WFDC6: variants seen among roughly 807,000 people sequenced by gnomAD.
WFDC6 encodes the protein WAP four-disulfide core domain 6, also known as WAP four-disulfide core domain protein 6.
Under a neutral mutation model 8.2 loss-of-function variants are expected in WFDC6, and 10 were observed. That is an observed-to-expected ratio of 1.22 (90% CI 0.75 to 2.07). The LOEUF is 2.07. Ranked by LOEUF, WFDC6 falls within the 30% of genes most tolerant of loss-of-function variation. The pLI is 0.00. For synonymous variants in WFDC6, 28 were observed against 37.0 expected, an observed-to-expected ratio of 0.76 and a Z score of 0.88; for missense variants, 105 against 104.9, an observed-to-expected ratio of 1.00 and a Z score of 0.00.
intron 2 of WFDC6, chr20:45,535,180 C>T: frequency 7.7e-7 from 1 of 1,304,078 alleles, no homozygotes; most frequent in Non-Finnish European, 1.0e-6. Flanking sequence ...TGCAGGTGAC[C>T]AGACAGATAG....
chr20:45,537,487 G>C (rs1979408332), intron 2 of WFDC6: 2 of 1,522,732 alleles, frequency 1.3e-6, no homozygotes. Flanking sequence ...GGGCAGAGAA[G>C]AAAGAGTGTA....
chr20:45,537,440 A>G, intron 2 of WFDC6: 5 of 1,226,852 alleles, frequency 4.1e-6, no homozygotes, highest in Non-Finnish European at 5.9e-6. Context: ...GAATGAACGA[A>G]TGGTCCTTGA....
intron 2 of WFDC6, among the ~76,000 whole-genome samples, chr20:45,536,643 C>G (rs1979377816): frequency 6.6e-6 from 1 of 152,212 alleles, no homozygotes. Flanking sequence ...CTTCCCCCAA[C>G]TAGCCCAGCT....
intron 2 of WFDC6, chr20:45,537,527 C>G: frequency 6.5e-7 from 1 of 1,549,126 alleles, no homozygotes; most frequent in Non-Finnish European, 8.7e-7. Flanking sequence ...GGAAGGCATC[C>G]TGGATTTATG....
chr20:45,537,812 A>G, intron 2 of WFDC6, 152 bp downstream of exon 2: 2 of 1,427,704 alleles, frequency 1.4e-6, no homozygotes, highest in Non-Finnish European at 1.9e-6. Flanking sequence ...ATGTCTCCCA[A>G]GTCCAGGACT....
chr20:45,537,023 A>G (rs1242524696), intron 2 of WFDC6: 1 of 159,792 alleles, frequency 6.3e-6, no homozygotes, highest in Admixed American at 5.9e-5. Context: ...CTGAAAACCT[A>G]GTTATTGTCT....
chr20:45,535,042 G>T, intron 2 of WFDC6: 3 of 923,942 alleles, frequency 3.2e-6, no homozygotes, highest in Non-Finnish European at 4.4e-6. Flanking sequence ...TTATACTTCT[G>T]CATTGGAGCT....
Position 45,534,249 on chromosome 20 carries a change from T to C in WFDC6, c.*218A>G. The stretch of plus-strand genomic sequence containing the variant: ...CAACTGAAGCCTTCATACAAATAAA[T>C]GGGGGGTCTGAAAGTTGAAGACATA... On this transcript the variant is annotated 3_prime_UTR_variant, in exon 3 of 3. Coordinates refer to ENST00000372670, the MANE Select transcript of WFDC6 (RefSeq NM_080827.2). 1.7e-6 allele frequency: 1 copy of C among 602,912 alleles called. No individual in the cohort carries two copies. The highest frequency in any genetic ancestry group is 2.0e-5 in the South Asian group (1 of 50,554). The allele number at this position is 602,912 out of a possible 1,614,324, so 37.3% of individuals were successfully genotyped here. A position where few individuals can be genotyped will look rare whatever the true frequency, so the allele number is the denominator to read the frequency against.
At chr20:45,537,921 A>C in intron 2 of WFDC6, 43 bp downstream of exon 2, 1 of 1,613,240 alleles carries the variant, frequency 6.2e-7, no homozygotes, top group Non-Finnish European at 8.5e-7. Context: ...AGGTGGAGAT[A>C]GGAGGTGAGG....
chr20:45,535,274 C>T (rs770542805), intron 2 of WFDC6: 1 of 1,304,218 alleles, frequency 7.7e-7, no homozygotes, highest in South Asian at 1.2e-5. Context: ...TATTGTACCA[C>T]CAGTGTGGTA....
At position 45,534,252 on chromosome 20, in the gene WFDC6, G is replaced by C. The variant is rs530268708; in HGVS notation, c.*215C>G. The C allele has an allele frequency of 1.6e-6, 1 of 608,470 alleles. No individual in the cohort carries two copies. Among genetic ancestry groups the C allele is most frequent in the Admixed American group, 2.9e-5 (1 of 35,056 alleles). The allele number at this position is 608,470 out of a possible 1,614,324, so 37.7% of individuals were successfully genotyped here. A position where few individuals can be genotyped will look rare whatever the true frequency, so the allele number is the denominator to read the frequency against. ...CTGAAGCCTTCATACAAATAAATGG[G>C]GGGTCTGAAAGTTGAAGACATAGAG... On this transcript the variant is annotated 3_prime_UTR_variant, in exon 3 of 3. Coordinates refer to ENST00000372670, the MANE Select transcript of WFDC6 (RefSeq NM_080827.2).
chr20:45,537,500 C>A, intron 2 of WFDC6: 1 of 1,542,460 alleles, frequency 6.5e-7, no homozygotes, highest in South Asian at 1.2e-5. Flanking sequence ...AGAGTGTAGG[C>A]GGTCTAAGGT....
chr20:45,538,967 A>G (rs1381512446), intron 1 of WFDC6, among the ~76,000 whole-genome samples: 1 of 152,144 alleles, frequency 6.6e-6, no homozygotes, highest in Non-Finnish European at 1.5e-5. Context: ...TGCAATGAGA[A>G]CATTTGGAAG....
At chr20:45,537,503 T>C in intron 2 of WFDC6, 1 of 1,546,308 alleles carries the variant, frequency 6.5e-7, no homozygotes. Context: ...GTGTAGGCGG[T>C]CTAAGGTGGT....
At chr20:45,537,119 C>T (rs1338309581) in intron 2 of WFDC6, 2 of 172,148 alleles carry the variant, frequency 1.2e-5, no homozygotes, top group African/African-American at 2.4e-5. Context: ...TGAGGATGGC[C>T]ACTTGGGAAT....
Position 45,539,463 on chromosome 20 carries a change from G to C in WFDC6, c.-56C>G. 1.3e-6 allele frequency: 2 copies of C among 1,527,288 alleles called. No individual in the cohort carries two copies. Among genetic ancestry groups the C allele is most frequent in the East Asian group, 4.5e-5 (2 of 44,298 alleles). The allele number at this position is 1,527,288 out of a possible 1,614,324, so 94.6% of individuals were successfully genotyped here. ...CAAAACTAAGAACTGCTCCTCAGCA[G>C]CTCCTACATCTGCACTTTGCCTGCC... is the stretch of plus-strand genomic sequence containing the variant. On this transcript the variant is annotated 5_prime_UTR_variant, in exon 1 of 3. Coordinates refer to ENST00000372670, the MANE Select transcript of WFDC6 (RefSeq NM_080827.2).
rs778594081 is a variant in WFDC6, at chr20:45,538,011, TC to T, written c.174del (p.Met58IlefsTer13). 1.2e-6 allele frequency: 2 copies of T among 1,614,018 alleles called. No individual in the cohort carries two copies. Among genetic ancestry groups the T allele is most frequent in the Non-Finnish European group, 1.7e-6 (2 of 1,179,928 alleles). Reference protein sequence around the residue: ...CTKPRDCPENMKCCPFSRGKK... With the variant: ...CTKPRDCPENXKCCPFSRGKK... ...TTTCCACGGCTGAACGGGCAACACT[TC>T]ATGTTTTCTGGGCAATCTCTGGGTT... On this transcript the variant is annotated frameshift_variant, in exon 2 of 3. Transcript: ENST00000372670. LOFTEE classifies it low-confidence loss of function (END_TRUNC).
chr20:45,539,458 C>T lies in WFDC6; in HGVS notation c.-51G>A, dbSNP rs761315650. The T allele has an allele frequency of 2.6e-5, 41 of 1,548,724 alleles. No individual in the cohort carries two copies. The highest frequency in any genetic ancestry group is 2.9e-5 in the Non-Finnish European group (32 of 1,121,300). On this transcript the variant is annotated 5_prime_UTR_variant, in exon 1 of 3. Transcript: ENST00000372670. ...GGCACCAAAACTAAGAACTGCTCCT[C>T]AGCAGCTCCTACATCTGCACTTTGC...
chr20:45,537,680 C>T (rs1039882810), intron 2 of WFDC6: 26 of 1,161,160 alleles, frequency 2.2e-5, no homozygotes, highest in Non-Finnish European at 3.1e-5. Flanking sequence ...TGAAGAGTAG[C>T]CAAGAGACCA....
Sources: allele counts gnomAD v4.1 joint callset (sites outside exome capture counted in the v4.1 genomes callset), GRCh38; gene constraint gnomAD v4.1.1; transcripts MANE v1.5; gene names NCBI Gene and HGNC (gene_info 2026-07-23, HGNC 2026-07-21).